LINGO2: variants seen among roughly 807,000 people sequenced by gnomAD.
The protein encoded by LINGO2 is leucine-rich repeat and immunoglobulin-like domain-containing nogo receptor-interacting protein 2.
A neutral mutation model predicts 30.6 loss-of-function variants in LINGO2; 14 were observed. The observed-to-expected ratio is 0.46, with a 90% CI of 0.30 to 0.72. LINGO2 has a LOEUF of 0.72. Ranked by LOEUF, LINGO2 falls within the 30% of genes least tolerant of loss-of-function variation. LINGO2 has a pLI of 0.07. For missense variants in LINGO2, 729 were observed against 751.7 expected (o/e 0.97, Z 0.35); for synonymous variants, 317 against 288.5 (o/e 1.10, Z -1.00).
At chr9:28,004,120 C>A (rs1007546974) in intron 5 of LINGO2, among the ~76,000 whole-genome samples, 3 of 152,112 alleles carry the variant, frequency 2.0e-5, no homozygotes, top group African/African-American at 7.2e-5. Context: ...CTTGGAACAT[C>A]TTGAATTGGC....
At chr9:29,089,194 T>G in the LINGO2 span, among the ~76,000 whole-genome samples, 1 of 151,646 alleles carries the variant, frequency 6.6e-6, no homozygotes, top group African/African-American at 2.4e-5. Flanking sequence ...TGTGCTTTAT[T>G]TATATTTTTA....
At chr9:29,211,744 A>AC in the LINGO2 span, among the ~76,000 whole-genome samples, 4 of 152,040 alleles carry the variant, frequency 2.6e-5, no homozygotes, top group African/African-American at 9.7e-5. Flanking sequence ...TCTCCACCAC[A>AC]CCCCATCCCT....
chr9:28,641,362 G>A (rs572427883), intron 1 of LINGO2, among the ~76,000 whole-genome samples: 17 of 152,080 alleles, frequency 1.1e-4, no homozygotes, highest in South Asian at 4.2e-4. Context: ...AGTATCCTCC[G>A]ACAGTTTTTA....
At chr9:28,708,761 T>TTTATCTATCTATCTATCTATC in the LINGO2 span, among the ~76,000 whole-genome samples, 2 of 147,748 alleles carry the variant, frequency 1.4e-5, no homozygotes, top group South Asian at 4.3e-4. Context: ...TTTAAACTAA[T>TTTATCTATCTATCTATCTATC]TATCTATCTA....
intron 4 of LINGO2, among the ~76,000 whole-genome samples, chr9:28,136,554 T>A (rs1482226462): frequency 6.6e-6 from 1 of 152,186 alleles, no homozygotes; most frequent in African/African-American, 2.4e-5. Flanking sequence ...AATCAGCACT[T>A]TTTCTCTTTT....
At chr9:29,213,505 G>A in the LINGO2 span, among the ~76,000 whole-genome samples, 1 of 152,110 alleles carries the variant, frequency 6.6e-6, no homozygotes, top group Non-Finnish European at 1.5e-5. Flanking sequence ...GGCGGCGCCA[G>A]GTGAGGAGGC....
intron 4 of LINGO2, among the ~76,000 whole-genome samples, chr9:28,157,242 C>G (rs1448389498): frequency 6.6e-6 from 1 of 152,206 alleles, no homozygotes; most frequent in Non-Finnish European, 1.5e-5. Context: ...AACCCCAATT[C>G]TTGACTTCTG....
chr9:27,955,915 C>A (rs1819538732), intron 5 of LINGO2, among the ~76,000 whole-genome samples: 1 of 151,118 alleles, frequency 6.6e-6, no homozygotes, highest in African/African-American at 2.4e-5. Context: ...GTTCCATATC[C>A]CCTTCGACAT....
chr9:28,495,569 G>A (rs186882951), intron 1 of LINGO2, among the ~76,000 whole-genome samples: 1 of 151,976 alleles, frequency 6.6e-6, no homozygotes, highest in Non-Finnish European at 1.5e-5. Context: ...CTGTTCCATT[G>A]GTCTATATCT....
At chr9:28,004,078 A>G (rs1161534697) in intron 5 of LINGO2, among the ~76,000 whole-genome samples, 1 of 152,206 alleles carries the variant, frequency 6.6e-6, no homozygotes, top group African/African-American at 2.4e-5. Context: ...ACTAGCCTTC[A>G]GTATGAGAAT....
the LINGO2 span, among the ~76,000 whole-genome samples, chr9:29,008,571 C>A: frequency 1.8e-3 from 274 of 152,296 alleles, 1 homozygote; most frequent in African/African-American, 6.2e-3. Context: ...TATTTCTCCA[C>A]ATCCTCTCCA....
At chr9:29,175,587 A>G in the LINGO2 span, among the ~76,000 whole-genome samples, 2 of 133,350 alleles carry the variant, frequency 1.5e-5, no homozygotes, top group Non-Finnish European at 3.1e-5. Context: ...AGTGCAGTGG[A>G]GCGATCTCGG....
chr9:28,226,643 G>A (rs1365946210), intron 4 of LINGO2, among the ~76,000 whole-genome samples: 6 of 30,606 alleles, frequency 2.0e-4, no homozygotes, highest in African/African-American at 7.9e-4. Context: ...AGGAAAGAAG[G>A]AAAGAAAGAA....
chr9:28,431,129 A>G (rs148544219), intron 2 of LINGO2, among the ~76,000 whole-genome samples: 22 of 151,834 alleles, frequency 1.4e-4, no homozygotes, highest in Admixed American at 3.9e-4. Context: ...GCCACATCCC[A>G]TCACATATGT....
intron 5 of LINGO2, among the ~76,000 whole-genome samples, chr9:27,990,734 G>A (rs1257579354): frequency 6.6e-6 from 1 of 152,036 alleles, no homozygotes; most frequent in African/African-American, 2.4e-5. Context: ...ACCCAGGTCT[G>A]CCTGACACAA....
chr9:28,595,478 T>A (rs1825130960), intron 1 of LINGO2, among the ~76,000 whole-genome samples: 1 of 152,048 alleles, frequency 6.6e-6, no homozygotes, highest in South Asian at 2.1e-4. Flanking sequence ...GCCTGGAAAT[T>A]CTACTAATTT....
chr9:28,963,450 T>G, the LINGO2 span, among the ~76,000 whole-genome samples: 1 of 151,576 alleles, frequency 6.6e-6, no homozygotes, highest in East Asian at 1.9e-4. Flanking sequence ...ACCTGAACCC[T>G]CATGTTTACT....
chr9:28,896,419 G>T, the LINGO2 span, among the ~76,000 whole-genome samples: 3 of 152,006 alleles, frequency 2.0e-5, no homozygotes, highest in Non-Finnish European at 4.4e-5. Flanking sequence ...TTTATCATAC[G>T]TATCACTATT....
Position 28,553,993 on chromosome 9 carries a change from A to G in LINGO2, c.-364-77968T>C, listed in dbSNP as rs147843091. On this transcript the variant is annotated intron_variant, in intron 1 of 5. Transcript: ENST00000379992. ...AGGCCTGCCCTAAAAGAGCTGCTGA[A>G]GGAAGCGCTAAACTTAGAAAGGAAC... Among the ~76,000 whole-genome samples, 901 of 152,230 alleles carry G rather than the reference A, an allele frequency of 5.9e-3. 5 individuals are homozygous for G. The highest frequency in any genetic ancestry group is 0.021 in the African/African-American group (858 of 41,562).
Sources: gnomAD v4.1 joint callset for allele counts (sites outside exome capture counted in the v4.1 genomes callset) on GRCh38, gnomAD v4.1.1 for gene constraint, MANE v1.5 for transcripts, NCBI Gene and HGNC (gene_info 2026-07-23, HGNC 2026-07-21) for gene names.